DRC8: variants seen among roughly 807,000 people sequenced by gnomAD.
DRC8 encodes dynein regulatory complex subunit 8.
chr1:245,076,050 A>G, the DRC8 span, among the ~76,000 whole-genome samples: 3 of 152,220 alleles, frequency 2.0e-5, no homozygotes, highest in Non-Finnish European at 2.9e-5. Context: ...TCCGTGCGCT[A>G]TCTTATTTAA....
the DRC8 span, among the ~76,000 whole-genome samples, chr1:245,121,679 TG>T: frequency 6.6e-6 from 1 of 151,992 alleles, no homozygotes; most frequent in Non-Finnish European, 1.5e-5. Flanking sequence ...ATGTGCTGCG[TG>T]GGGGAGAGGT....
At chr1:245,000,081 G>A in the DRC8 span, among the ~76,000 whole-genome samples, 125,515 of 152,294 alleles carry the variant, frequency 0.82, 51,851 homozygotes, top group East Asian at 1. Flanking sequence ...AGCCTCCCAG[G>A]GTGCTGGGAT....
At chr1:245,055,253 T>C in the DRC8 span, among the ~76,000 whole-genome samples, 1 of 152,178 alleles carries the variant, frequency 6.6e-6, no homozygotes, top group Non-Finnish European at 1.5e-5. Context: ...GATTGAACTC[T>C]TCATTTCCCT....
At chr1:245,090,030 C>A in the DRC8 span, among the ~76,000 whole-genome samples, 1 of 152,042 alleles carries the variant, frequency 6.6e-6, no homozygotes, top group Non-Finnish European at 1.5e-5. Flanking sequence ...TAAGGATTTT[C>A]AAGAAACCCT....
the DRC8 span, chr1:244,970,381 T>G: frequency 6.5e-7 from 1 of 1,533,740 alleles, no homozygotes; most frequent in Non-Finnish European, 8.7e-7. Flanking sequence ...GCCGAGGTTA[T>G]CGTTAGGCAT....
chr1:245,026,689 T>C, the DRC8 span, among the ~76,000 whole-genome samples: 1 of 152,238 alleles, frequency 6.6e-6, no homozygotes, highest in Non-Finnish European at 1.5e-5. Context: ...TGTTCACATG[T>C]ATGAATGAAG....
chr1:244,974,361 G>A, the DRC8 span, among the ~76,000 whole-genome samples: 1 of 152,228 alleles, frequency 6.6e-6, no homozygotes, highest in African/African-American at 2.4e-5. Context: ...TGGAAAGTAA[G>A]AACTTTTTAG....
At chr1:244,978,248 C>T in the DRC8 span, among the ~76,000 whole-genome samples, 1 of 152,104 alleles carries the variant, frequency 6.6e-6, no homozygotes, top group Non-Finnish European at 1.5e-5. Flanking sequence ...AATCTCAGCA[C>T]TTTGGGAGGC....
chr1:245,114,270 C>G, the DRC8 span, among the ~76,000 whole-genome samples: 1 of 152,032 alleles, frequency 6.6e-6, no homozygotes, highest in East Asian at 1.9e-4. Flanking sequence ...CAAGAGCAGC[C>G]TGGCCGATAT....
the DRC8 span, among the ~76,000 whole-genome samples, chr1:245,109,215 A>G: frequency 1.3e-5 from 2 of 152,148 alleles, no homozygotes; most frequent in South Asian, 2.1e-4. Context: ...GAGAGGTGTC[A>G]ATTCTGTAGC....
the DRC8 span, among the ~76,000 whole-genome samples, chr1:245,104,286 C>T: frequency 6.6e-6 from 1 of 151,892 alleles, no homozygotes; most frequent in African/African-American, 2.4e-5. Context: ...GGCAGATCAC[C>T]TGAGGTTAGG....
chr1:245,112,766 T>G, the DRC8 span, among the ~76,000 whole-genome samples: 5 of 151,994 alleles, frequency 3.3e-5, no homozygotes, highest in African/African-American at 1.2e-4. Context: ...CTTTTTTTTT[T>G]TTTTTGAGAT....
chr1:245,029,392 G>A, the DRC8 span, among the ~76,000 whole-genome samples: 1 of 152,118 alleles, frequency 6.6e-6, no homozygotes, highest in Non-Finnish European at 1.5e-5. Flanking sequence ...CCACCTCCCC[G>A]GTTCAAGCAA....
At chr1:245,116,996 C>T in the DRC8 span, among the ~76,000 whole-genome samples, 1 of 152,220 alleles carries the variant, frequency 6.6e-6, no homozygotes, top group South Asian at 2.1e-4. Context: ...TACTGGGAAG[C>T]TCCCAAAGAT....
the DRC8 span, among the ~76,000 whole-genome samples, chr1:245,079,441 C>G: frequency 6.6e-6 from 1 of 152,186 alleles, no homozygotes; most frequent in Non-Finnish European, 1.5e-5. Context: ...CCACAAACAT[C>G]TATTAGGCAA....
At chr1:244,993,285 C>T in the DRC8 span, among the ~76,000 whole-genome samples, 2 of 152,208 alleles carry the variant, frequency 1.3e-5, no homozygotes, top group Non-Finnish European at 2.9e-5. Context: ...TGCCTTCTGG[C>T]CTCCAGTGAT....
At chr1:245,039,808 C>G in the DRC8 span, among the ~76,000 whole-genome samples, 56,139 of 151,868 alleles carry the variant, frequency 0.37, 10,762 homozygotes, top group African/African-American at 0.49. Context: ...TTAGATTGAG[C>G]CAGTATATTT....
the DRC8 span, among the ~76,000 whole-genome samples, chr1:245,039,580 A>G: frequency 1.3e-5 from 2 of 152,158 alleles, no homozygotes; most frequent in Non-Finnish European, 2.9e-5. Context: ...AGTACCATCA[A>G]CTGAACTAGA....
chr1:245,093,089 G>T, the DRC8 span, among the ~76,000 whole-genome samples: 1 of 152,182 alleles, frequency 6.6e-6, no homozygotes, highest in Non-Finnish European at 1.5e-5. Flanking sequence ...GAGGGGCAGG[G>T]ATGGAGATCT....
Sources: gnomAD v4.1 joint callset for allele counts (sites outside exome capture counted in the v4.1 genomes callset) on GRCh38, gnomAD v4.1.1 for gene constraint, MANE v1.5 for transcripts, NCBI Gene and HGNC (gene_info 2026-07-23, HGNC 2026-07-21) for gene names.